MSH5: variants seen among roughly 807,000 people sequenced by gnomAD.
MSH5 encodes mutS homolog 5.
MSH5 carries 78 observed loss-of-function variants against 107.7 expected under a neutral mutation model. The observed-to-expected ratio is 0.72, with a 90% confidence interval of 0.60 to 0.87. The LOEUF is 0.87. Among genes scored for constraint, MSH5 ranks in the 40% least tolerant of loss-of-function variants. The pLI, the probability that MSH5 is intolerant of heterozygous loss-of-function variation, is 0.00. For missense variants in MSH5, 889 were observed against 1,046.6 expected (o/e 0.85, Z 2.08); for synonymous variants, 326 against 399.5 (o/e 0.82, Z 2.19).
Position 31,758,204 on chromosome 6 carries a change from T to C in MSH5, c.1054T>C (p.Ser352Pro). The C allele has an allele frequency of 2.5e-6, 4 of 1,613,034 alleles. No individual in the cohort carries two copies. Among genetic ancestry groups the C allele is most frequent in the Non-Finnish European group, 3.4e-6 (4 of 1,180,038 alleles). Residue 352 changes from serine (S) to proline (P), a missense_variant, in exon 13 of 25, where the codon TCC becomes CCC. Ser to Pro is a moderately conservative substitution (Grantham distance 74). Transcript: ENST00000375750. This position sits in a 1 kb window ranked among gnomAD's most constrained non-coding sequence, Gnocchi z 5.1. ...CCTGGGCCTGAGGGATGCCTGCCGC[T>C]CCCTGCCGCAGTCCATCCAGCTCTT... is the stretch of plus-strand genomic sequence containing the variant. ...SALGLRDACR[S>P]LPQSIQLFRD...
intron 8 of MSH5, 49 bp downstream of exon 8, chr6:31,744,630 A>G: frequency 1.3e-6 from 2 of 1,590,706 alleles, no homozygotes; most frequent in East Asian, 2.2e-5. Context: ...AGAAGGATTA[A>G]GTTTAATGCC....
chr6:31,741,810 G>A (rs749347315), intron 3 of MSH5, among the ~76,000 whole-genome samples: 2 of 152,030 alleles, frequency 1.3e-5, no homozygotes, highest in Non-Finnish European at 2.9e-5. Context: ...CTGGATGGTT[G>A]GAAAGCTCAA....
At position 31,758,359 on chromosome 6, in the gene MSH5, G is replaced by A; in HGVS notation, c.1143+66G>A. 6.3e-7 allele frequency: 1 copy of A among 1,596,162 alleles called. No individual in the cohort carries two copies. The highest frequency in any genetic ancestry group is 8.6e-7 in the Non-Finnish European group (1 of 1,168,900). On this transcript the variant is annotated intron_variant, in intron 13 of 24. Transcript: ENST00000375750. The surrounding 1 kb of genome is among the most constrained non-coding windows in gnomAD (Gnocchi z 5.1). ...GGAGAGAGAATGCAGTGTGCAAGAT[G>A]GGGAAACATGGAAGATATTGAGGTC...
chr6:31,744,579 C>A lies in MSH5; in HGVS notation c.681C>A (p.Tyr227Ter). 2 of 1,613,114 alleles carry A rather than the reference C, an allele frequency of 1.2e-6. No individual in the cohort carries two copies. The highest frequency in any genetic ancestry group is 8.5e-7 in the Non-Finnish European group (1 of 1,180,002). The change falls in exon 8 of 25, where the codon TAC becomes TAA. Residue 227 changes from tyrosine to a stop codon, truncating the protein, a stop_gained and splice_region_variant. Transcript: ENST00000375750. LOFTEE classifies it high-confidence loss of function. ...TGGTGAACATAGATCAAGACACTTACAGGTAAAGAGGTGGAGGCATGCTGC... is the reference window on the plus strand; with the variant it reads ...TGGTGAACATAGATCAAGACACTTAAAGGTAAAGAGGTGGAGGCATGCTGC... The part of the protein sequence containing the change: ...THLVNIDQDT[Y>*]SVLQIFKSES...
At chr6:31,755,386 G>C (rs759712776) in intron 12 of MSH5, among the ~76,000 whole-genome samples, 1 of 126,182 alleles carries the variant, frequency 7.9e-6, no homozygotes, top group Non-Finnish European at 1.8e-5. Flanking sequence ...TTTTGAGACG[G>C]GATTTTGCTC....
chr6:31,758,382 G>A lies in MSH5; in HGVS notation c.1143+89G>A. 6.3e-7 allele frequency: 1 copy of A among 1,583,804 alleles called. No homozygotes were observed. The highest frequency in any genetic ancestry group is 8.6e-7 in the Non-Finnish European group (1 of 1,159,672). ...ATGGGGAAACATGGAAGATATTGAG[G>A]TCAATTGGATAAAGAATGGGATGGT... On this transcript the variant is annotated intron_variant, in intron 13 of 24. Transcript: ENST00000375750. The surrounding 1 kb of genome is among the most constrained non-coding windows in gnomAD (Gnocchi z 5.1).
chr6:31,749,210 G>A (rs968992719), intron 10 of MSH5, among the ~76,000 whole-genome samples: 32 of 152,038 alleles, frequency 2.1e-4, no homozygotes, highest in Admixed American at 2.0e-3. Flanking sequence ...CACTGTGCCC[G>A]GCCTGGAAAG....
Position 31,759,900 on chromosome 6 carries a change from G to A in MSH5, c.1610G>A (p.Ser537Asn). 6.2e-7 allele frequency: 1 copy of A among 1,614,194 alleles called. No individual in the cohort carries two copies. Among genetic ancestry groups the A allele is most frequent in the Non-Finnish European group, 8.5e-7 (1 of 1,180,028 alleles). Residue 537 changes from serine to asparagine, a missense_variant, in exon 18 of 25, where the codon AGT (serine) becomes AAT (asparagine). Ser to Asn is a conservative substitution (Grantham distance 46). Transcript: ENST00000375750. This position sits in a 1 kb window ranked among gnomAD's most constrained non-coding sequence, Gnocchi z 4.7. ...SRLDVLLALA[S>N]AARDYGYSRP... ...CTGGACGTCCTGCTGGCTCTTGCCA[G>A]TGCTGCCCGGGACTATGGCTACTCA...
intron 9 of MSH5, 138 bp downstream of exon 9, chr6:31,745,457 C>T: frequency 3.1e-6 from 2 of 642,090 alleles, no homozygotes; most frequent in Admixed American, 2.8e-5. Context: ...AAATTTCTTA[C>T]CTATTTGTAC....
Position 31,759,700 on chromosome 6 carries a change from T to G in MSH5, c.1496-86T>G, listed in dbSNP as rs1810790635. On this transcript the variant is annotated intron_variant, in intron 17 of 24. Transcript: ENST00000375750. The surrounding 1 kb of genome is among the most constrained non-coding windows in gnomAD (Gnocchi z 4.7). ...GAGGTCTCAGATTGTATCTGCAACC[T>G]GTTTCCAGATCCCCCTAGGGGCCTC... 6.8e-7 allele frequency: 1 copy of G among 1,477,490 alleles called. No individual in the cohort carries two copies. The highest frequency in any genetic ancestry group is 9.3e-7 in the Non-Finnish European group (1 of 1,079,750). The allele number at this position is 1,477,490 out of a possible 1,614,324, so 91.5% of individuals were successfully genotyped here.
chr6:31,759,251 A>T lies in MSH5; in HGVS notation c.1407+74A>T. The T allele has an allele frequency of 7.0e-7, 1 of 1,418,800 alleles. No homozygotes were observed. Among genetic ancestry groups the T allele is most frequent in the Non-Finnish European group, 1.0e-6 (1 of 1,004,212 alleles). The allele number at this position is 1,418,800 out of a possible 1,614,324, so 87.9% of individuals were successfully genotyped here. A position where few individuals can be genotyped will look rare whatever the true frequency, so the allele number is the denominator to read the frequency against. Reference sequence around the variant, plus strand: ...CAGCTGAGGAAGAGCGTTACTCTACAGCAGCACTGCCCAATATGGGATCTC... The same window carrying T: ...CAGCTGAGGAAGAGCGTTACTCTACTGCAGCACTGCCCAATATGGGATCTC... On this transcript the variant is annotated intron_variant, in intron 16 of 24. Coordinates refer to ENST00000375750, the MANE Select transcript of MSH5 (RefSeq NM_172166.4). This position sits in a 1 kb window ranked among gnomAD's most constrained non-coding sequence, Gnocchi z 4.7.
rs1403219350 is a variant in MSH5, at chr6:31,743,138, C to G, written c.383C>G (p.Pro128Arg). 1.2e-6 allele frequency: 2 copies of G among 1,612,830 alleles called. No homozygotes were observed. The highest frequency in any genetic ancestry group is 2.7e-5 in the African/African-American group (2 of 74,890). Reference sequence around the variant, plus strand: ...CAGGAGCACAGAGAGCCTAAAAGACCTGAAATCATATTTTTGCCAAGTGTG... The same window carrying G: ...CAGGAGCACAGAGAGCCTAAAAGACGTGAAATCATATTTTTGCCAAGTGTG... The part of the protein sequence containing the change: ...ASQEHREPKR[P>R]EIIFLPSVDF... The change falls in exon 5 of 25, where the codon CCT becomes CGT. Residue 128 changes from proline to arginine, a missense_variant. By Grantham distance (103) the Pro-to-Arg change is moderately radical (BLOSUM62 -2). Around this residue, in one of 3 missense-constraint regions of MSH5, gnomAD observed 518 missense variants for 565.0 expected, o/e 0.92. Transcript: ENST00000375750.
In MSH5 at chr6:31,758,125, C is replaced by G. The variant is rs1458982102; in HGVS notation, c.1015-40C>G. 7 of 1,611,208 alleles carry G rather than the reference C, an allele frequency of 4.3e-6. 2 individuals are homozygous for G. The highest frequency in any genetic ancestry group is 5.9e-6 in the Non-Finnish European group (7 of 1,178,720). ...GTCCCTATCACCACCTCAACCCGAGCTGGATGTGGCCTGTCCTCCTTTTTG... is the reference window on the plus strand; with the variant it reads ...GTCCCTATCACCACCTCAACCCGAGGTGGATGTGGCCTGTCCTCCTTTTTG... On this transcript the variant is annotated intron_variant, in intron 12 of 24. Transcript: ENST00000375750. This position sits in a 1 kb window ranked among gnomAD's most constrained non-coding sequence, Gnocchi z 5.1.
At chr6:31,742,156 G>A (rs1288506667) in intron 3 of MSH5, among the ~76,000 whole-genome samples, 1 of 152,140 alleles carries the variant, frequency 6.6e-6, no homozygotes, top group Non-Finnish European at 1.5e-5. Context: ...CTATAGCACT[G>A]ACTCAATATA....
intron 10 of MSH5, among the ~76,000 whole-genome samples, chr6:31,749,022 TCTC>T (rs1182541017): frequency 1.3e-5 from 2 of 151,182 alleles, no homozygotes; most frequent in Non-Finnish European, 2.9e-5. Flanking sequence ...TTCAAGCAAT[TCTC>T]CTGCCTCAGC....
chr6:31,761,966 C>T lies in MSH5; in HGVS notation c.2319+11C>T, dbSNP rs771780503. The T allele has an allele frequency of 6.2e-7, 1 of 1,613,792 alleles. No homozygotes were observed. The highest frequency in any genetic ancestry group is 2.2e-5 in the East Asian group (1 of 44,882). On this transcript the variant is annotated intron_variant, in intron 23 of 24. Transcript: ENST00000375750. This position sits in a 1 kb window ranked among gnomAD's most constrained non-coding sequence, Gnocchi z 5.3. ...GCTCGTGGCAAGGAGGTGATGAGAT[C>T]CAAATGTGCAACCACCTCCACATCA...
chr6:31,744,078 T>G, intron 6 of MSH5, 53 bp downstream of exon 6: 1 of 1,610,534 alleles, frequency 6.2e-7, no homozygotes, highest in Non-Finnish European at 8.5e-7. Flanking sequence ...GTGCTAGGGC[T>G]GAATTCTGGG....
intron 12 of MSH5, chr6:31,757,127 T>C (rs1182933776): frequency 6.6e-6 from 1 of 151,902 alleles, no homozygotes; most frequent in Admixed American, 6.6e-5. Context: ...CCATGAGATT[T>C]TTTTGTTTTT....
chr6:31,748,584 C>T (rs1447169522), intron 10 of MSH5, among the ~76,000 whole-genome samples: 4 of 151,768 alleles, frequency 2.6e-5, no homozygotes, highest in African/African-American at 4.8e-5. Flanking sequence ...CCTGGTGATC[C>T]GCCCACCTCG....
Sources: allele counts gnomAD v4.1 joint callset (sites outside exome capture counted in the v4.1 genomes callset), GRCh38; gene constraint gnomAD v4.1.1; regional missense constraint gnomAD v4.1.1; non-coding constraint Gnocchi (gnomAD v3.1); transcripts MANE v1.5; gene names NCBI Gene and HGNC (gene_info 2026-07-23, HGNC 2026-07-21).